MACROD2: variants seen among roughly 807,000 people sequenced by gnomAD.
MACROD2 encodes ADP-ribose glycohydrolase MACROD2.
A neutral mutation model predicts 70.4 loss-of-function variants in MACROD2; 36 were observed. That is an observed-to-expected ratio of 0.51 (90% CI 0.39 to 0.68). MACROD2 has a LOEUF of 0.68. MACROD2 is among the 30% of genes least tolerant of loss of function. The pLI is 0.00. For missense variants in MACROD2, 496 were observed against 538.4 expected (o/e 0.92, Z 0.78); for synonymous variants, 172 against 178.8 (o/e 0.96, Z 0.30).
At chr20:14,765,795 C>T (rs1197104937) in intron 5 of MACROD2, among the ~76,000 whole-genome samples, 1 of 152,052 alleles carries the variant, frequency 6.6e-6, no homozygotes, top group African/African-American at 2.4e-5. Flanking sequence ...ACCATGGCTC[C>T]TTCCCATTGT....
chr20:15,499,959 C>A, intron 8 of MACROD2, 112 bp downstream of exon 8: 3 of 928,996 alleles, frequency 3.2e-6, no homozygotes, highest in Non-Finnish European at 5.0e-6. Flanking sequence ...AGTCATTGAG[C>A]CAAACCTAGC....
intron 6 of MACROD2, among the ~76,000 whole-genome samples, chr20:15,404,112 TGA>T (rs1375674410): frequency 6.6e-6 from 1 of 152,198 alleles, no homozygotes; most frequent in Non-Finnish European, 1.5e-5. Flanking sequence ...TTATAGTGCT[TGA>T]GAGTACATAG....
intron 3 of MACROD2, among the ~76,000 whole-genome samples, chr20:14,208,031 G>A (rs968165598): frequency 6.6e-6 from 1 of 152,142 alleles, no homozygotes; most frequent in Non-Finnish European, 1.5e-5. Context: ...TTCTCTGTTG[G>A]AAATTGATAT....
At chr20:15,645,348 A>T (rs186477861) in intron 8 of MACROD2, among the ~76,000 whole-genome samples, 1 of 152,316 alleles carries the variant, frequency 6.6e-6, no homozygotes, top group East Asian at 1.9e-4. Flanking sequence ...AACTGTTTAC[A>T]TACTGTGTCA....
At chr20:14,593,519 G>A (rs1981919249) in intron 4 of MACROD2, among the ~76,000 whole-genome samples, 1 of 152,056 alleles carries the variant, frequency 6.6e-6, no homozygotes, top group East Asian at 1.9e-4. Context: ...CTAGGATTGT[G>A]GCATCCTCCT....
intron 7 of MACROD2, among the ~76,000 whole-genome samples, chr20:15,456,630 C>G (rs181430302): frequency 1.3e-5 from 2 of 152,274 alleles, no homozygotes; most frequent in East Asian, 3.9e-4. Flanking sequence ...TTCATGGAAC[C>G]TAGAAGCAGC....
At chr20:15,223,727 A>G (rs975279141) in intron 5 of MACROD2, among the ~76,000 whole-genome samples, 1 of 152,180 alleles carries the variant, frequency 6.6e-6, no homozygotes, top group South Asian at 2.1e-4. Context: ...ACCAAAATAA[A>G]GCGCCAACTG....
intron 4 of MACROD2, among the ~76,000 whole-genome samples, chr20:14,572,311 A>G (rs867613092): frequency 2.0e-5 from 3 of 152,156 alleles, no homozygotes; most frequent in African/African-American, 7.2e-5. Flanking sequence ...AGCAATTAGG[A>G]TTCTCAAATA....
intron 2 of MACROD2, among the ~76,000 whole-genome samples, chr20:14,058,989 A>G (rs1052330709): frequency 2.0e-5 from 3 of 152,074 alleles, no homozygotes; most frequent in Non-Finnish European, 2.9e-5. Context: ...TTATTCATTT[A>G]GTTTCTCATG....
chr20:14,840,227 G>A (rs1600715082), intron 5 of MACROD2, among the ~76,000 whole-genome samples: 3 of 152,076 alleles, frequency 2.0e-5, no homozygotes, highest in South Asian at 2.1e-4. Context: ...TACTAGAGAC[G>A]GGGTTTCGCC....
intron 5 of MACROD2, among the ~76,000 whole-genome samples, chr20:15,074,839 C>A (rs753591540): frequency 6.6e-5 from 10 of 152,136 alleles, no homozygotes; most frequent in South Asian, 4.1e-4. Flanking sequence ...TATCCTTCCA[C>A]GTATTTACTG....
At chr20:14,671,284 A>G (rs1362606214) in intron 4 of MACROD2, among the ~76,000 whole-genome samples, 3 of 152,174 alleles carry the variant, frequency 2.0e-5, no homozygotes, top group African/African-American at 4.8e-5. Flanking sequence ...TGAATTTAGC[A>G]TCTGAAAAAT....
intron 6 of MACROD2, among the ~76,000 whole-genome samples, chr20:15,401,394 G>A (rs552498071): frequency 1.4e-4 from 21 of 152,230 alleles, no homozygotes; most frequent in Admixed American, 4.6e-4. Flanking sequence ...TATCTTTCAC[G>A]GGGGCTTTCA....
intron 2 of MACROD2, among the ~76,000 whole-genome samples, chr20:14,014,913 A>T (rs553769695): frequency 6.7e-6 from 1 of 150,360 alleles, no homozygotes; most frequent in East Asian, 2.0e-4. Context: ...CAATTCTCCT[A>T]CCTCAGCCTC....
chr20:15,013,408 C>G (rs1568530578), intron 5 of MACROD2, among the ~76,000 whole-genome samples: 3 of 152,104 alleles, frequency 2.0e-5, no homozygotes, highest in African/African-American at 7.2e-5. Context: ...CAGAACCACC[C>G]CCTACTTTAG....
chr20:14,882,580 T>C (rs1284009342), intron 5 of MACROD2, among the ~76,000 whole-genome samples: 6 of 152,214 alleles, frequency 3.9e-5, no homozygotes, highest in African/African-American at 1.4e-4. Flanking sequence ...ACTCATCCCT[T>C]CTCTTTGCTC....
chr20:14,532,414 G>A (rs544064472), intron 4 of MACROD2, among the ~76,000 whole-genome samples: 17 of 150,840 alleles, frequency 1.1e-4, no homozygotes, highest in Admixed American at 7.9e-4. Flanking sequence ...TAGTAGAGAC[G>A]GGGTTTCACC....
rs1031823796 is a variant in MACROD2, at chr20:14,087,962, T to C, written c.271+2234T>C. On this transcript the variant is annotated intron_variant, in intron 3 of 17. Transcript: ENST00000684519. ...TATATACACACATATAAATAAAAGATATATATACACACATGTGATCTTTTA... is the reference window on the plus strand; with the variant it reads ...TATATACACACATATAAATAAAAGACATATATACACACATGTGATCTTTTA... 2.4e-4 allele frequency among the ~76,000 whole-genome samples: 36 copies of C among 152,064 alleles called. 1 individual carries two copies. Among genetic ancestry groups the C allele is most frequent in the African/African-American group, 8.4e-4 (35 of 41,422 alleles).
intron 6 of MACROD2, among the ~76,000 whole-genome samples, chr20:15,374,249 GATT>G (rs1263209101): frequency 6.6e-6 from 1 of 151,270 alleles, no homozygotes; most frequent in African/African-American, 2.4e-5. Context: ...AATCACATAT[GATT>G]ATAATACAAT....
Sources: gnomAD v4.1 joint callset for allele counts (sites outside exome capture counted in the v4.1 genomes callset) on GRCh38, gnomAD v4.1.1 for gene constraint, MANE v1.5 for transcripts, NCBI Gene and HGNC (gene_info 2026-07-23, HGNC 2026-07-21) for gene names.